NTRK3: variants seen among roughly 807,000 people sequenced by gnomAD.
The protein encoded by NTRK3 is neurotrophic receptor tyrosine kinase 3.
Under a neutral mutation model 91.7 loss-of-function variants are expected in NTRK3, and 24 were observed. The observed-to-expected ratio is 0.26, with a 90% CI of 0.19 to 0.37. The LOEUF is 0.37. NTRK3 is among the 10% of genes least tolerant of loss of function. NTRK3 has a pLI of 1.00. For synonymous variants in NTRK3, 483 were observed against 404.0 expected (o/e 1.20, Z -2.34); for missense variants, 880 against 1,068.9 (o/e 0.82, Z 2.46).
chr15:88,234,379 A>G lies in NTRK3; in HGVS notation c.248+21527T>C, dbSNP rs1598097070. Among the ~76,000 whole-genome samples, 1 of 152,192 alleles carries G rather than the reference A, an allele frequency of 6.6e-6. No homozygotes were observed. The highest frequency in any genetic ancestry group is 1.5e-5 in the Non-Finnish European group (1 of 68,038). Reference sequence around the variant, plus strand: ...CACTGGAAAGACAAAGATAAGCTGGACCAAACACCAGCCATCATTATAAGA... The same window carrying G: ...CACTGGAAAGACAAAGATAAGCTGGGCCAAACACCAGCCATCATTATAAGA... On this transcript the variant is annotated intron_variant, in intron 3 of 18. Transcript: ENST00000394480. This position sits in a 1 kb window ranked among gnomAD's most constrained non-coding sequence, Gnocchi z 6.1.
At chr15:87,906,116 C>T (rs555708185) in intron 17 of NTRK3, among the ~76,000 whole-genome samples, 1 of 152,352 alleles carries the variant, frequency 6.6e-6, no homozygotes, top group African/African-American at 2.4e-5. Flanking sequence ...CTGATAAAGG[C>T]AGAATTTCAG....
chr15:87,899,568 G>A (rs1386964645), intron 17 of NTRK3, among the ~76,000 whole-genome samples: 4 of 152,224 alleles, frequency 2.6e-5, no homozygotes, highest in Admixed American at 1.3e-4. Flanking sequence ...AGGGAGACCC[G>A]AGCCTTTGGG....
chr15:88,244,971 A>G (rs1023026078), intron 3 of NTRK3, among the ~76,000 whole-genome samples: 2 of 152,240 alleles, frequency 1.3e-5, no homozygotes, highest in African/African-American at 4.8e-5. Flanking sequence ...GGGGCTGCAG[A>G]GTGGGGAAGG....
intron 14 of NTRK3, among the ~76,000 whole-genome samples, chr15:88,021,680 G>T (rs767066112): frequency 2.0e-5 from 3 of 152,180 alleles, no homozygotes; most frequent in Non-Finnish European, 4.4e-5. Context: ...TGGAAGAGCA[G>T]TTGTACTCTT....
At chr15:87,914,685 A>T (rs575163512) in intron 17 of NTRK3, among the ~76,000 whole-genome samples, 11 of 152,312 alleles carry the variant, frequency 7.2e-5, no homozygotes, top group Admixed American at 7.2e-4. Flanking sequence ...AGGATGTGAA[A>T]AAATAAATAC....
chr15:87,998,702 T>G (rs1223239905), intron 14 of NTRK3, among the ~76,000 whole-genome samples: 1 of 152,126 alleles, frequency 6.6e-6, no homozygotes, highest in East Asian at 1.9e-4. Context: ...TAGAGAAACT[T>G]CAATAGCCAT....
chr15:88,184,939 A>C (rs980018606), intron 3 of NTRK3, among the ~76,000 whole-genome samples: 5 of 152,192 alleles, frequency 3.3e-5, no homozygotes, highest in Non-Finnish European at 4.4e-5. Flanking sequence ...GAGCCACTAG[A>C]GTGTCATGGA....
intron 5 of NTRK3, among the ~76,000 whole-genome samples, chr15:88,161,239 C>T (rs1237357887): frequency 5.9e-5 from 9 of 152,186 alleles, no homozygotes; most frequent in African/African-American, 9.7e-5. Context: ...TTATCATCAT[C>T]TCTGTTTTAC....
intron 13 of NTRK3, among the ~76,000 whole-genome samples, chr15:88,122,838 CTTT>C (rs770118821): frequency 6.6e-6 from 1 of 152,146 alleles, no homozygotes; most frequent in East Asian, 1.9e-4. Flanking sequence ...ATAAGCTGTA[CTTT>C]TTTTATTATT....
At chr15:88,017,478 C>G (rs766098233) in intron 14 of NTRK3, among the ~76,000 whole-genome samples, 2 of 152,256 alleles carry the variant, frequency 1.3e-5, no homozygotes, top group Non-Finnish European at 2.9e-5. Context: ...AAGACAACTT[C>G]TGCTCTTAAC....
exon 19 of NTRK3, chr15:87,870,119 A>G (rs1174047388): frequency 5.4e-6 from 1 of 186,472 alleles, no homozygotes; most frequent in African/African-American, 2.3e-5. Context: ...ACAATTTGCA[A>G]TTGCAAAAAG....
chr15:88,108,371 C>T (rs2050943393), intron 13 of NTRK3, among the ~76,000 whole-genome samples: 1 of 152,230 alleles, frequency 6.6e-6, no homozygotes, highest in African/African-American at 2.4e-5. Context: ...AAAGGAAGTT[C>T]ATTGCCTATT....
Position 88,240,525 on chromosome 15 carries a change from G to A in NTRK3, c.248+15381C>T, listed in dbSNP as rs1470788729. Among the ~76,000 whole-genome samples the A allele has an allele frequency of 6.6e-6, 1 of 152,208 alleles. No homozygotes were observed. Among genetic ancestry groups the A allele is most frequent in the African/African-American group, 2.4e-5 (1 of 41,444 alleles). Reference sequence around the variant, plus strand: ...CACGTCATGTGTCCTGTCGGCCCAAGGGTGCCTGCTTACTGTGGAGGAGGC... The same window carrying A: ...CACGTCATGTGTCCTGTCGGCCCAAAGGTGCCTGCTTACTGTGGAGGAGGC... On this transcript the variant is annotated intron_variant, in intron 3 of 18. Transcript: ENST00000394480. The surrounding 1 kb of genome is among the most constrained non-coding windows in gnomAD (Gnocchi z 4.9).
chr15:88,248,935 G>C (rs1362472073), intron 3 of NTRK3, among the ~76,000 whole-genome samples: 5 of 152,194 alleles, frequency 3.3e-5, no homozygotes, highest in Non-Finnish European at 5.9e-5. Flanking sequence ...ACATAATGTA[G>C]TTGTTATTAT....
intron 17 of NTRK3, among the ~76,000 whole-genome samples, chr15:87,914,250 C>T (rs1415976164): frequency 6.6e-6 from 1 of 152,188 alleles, no homozygotes; most frequent in East Asian, 1.9e-4. Context: ...TAATAAATTT[C>T]CTTTTGGTGC....
At chr15:87,940,633 A>G in exon 15 of NTRK3, 3 of 1,613,824 alleles carry the variant, frequency 1.9e-6, no homozygotes, top group Non-Finnish European at 2.5e-6. Context: ...CTTCACAGCC[A>G]CAAGCATCTT....
At position 87,889,900 on chromosome 15, in the gene NTRK3, A is replaced by G. The variant is rs928861942; in HGVS notation, c.2134-9472T>C. Among the ~76,000 whole-genome samples, 5 of 152,174 alleles carry G rather than the reference A, an allele frequency of 3.3e-5. No individual in the cohort carries two copies. The East Asian group carries it at 9.7e-4, about 29-fold the overall frequency. ...CACATCACATTTAGTAATGTCTCCT[A>G]TGGTCTTAATCTATAGGATTCCCCT... On this transcript the variant is annotated intron_variant, in intron 17 of 18. Transcript: ENST00000394480.
intron 17 of NTRK3, among the ~76,000 whole-genome samples, chr15:87,926,102 G>A (rs1260503652): frequency 1.3e-5 from 2 of 152,172 alleles, no homozygotes; most frequent in Non-Finnish European, 2.9e-5. Context: ...GTTGCTAATG[G>A]TGGTTGCACA....
intron 13 of NTRK3, among the ~76,000 whole-genome samples, chr15:88,035,331 G>A (rs2078978816): frequency 6.6e-6 from 1 of 152,160 alleles, no homozygotes; most frequent in African/African-American, 2.4e-5. Flanking sequence ...GACTCTAGTG[G>A]TTTACCCAGA....
Sources: allele counts gnomAD v4.1 joint callset (sites outside exome capture counted in the v4.1 genomes callset), GRCh38; gene constraint gnomAD v4.1.1; non-coding constraint Gnocchi (gnomAD v3.1); transcripts MANE v1.5; gene names NCBI Gene and HGNC (gene_info 2026-07-23, HGNC 2026-07-21).